CAPN9: variants seen among roughly 807,000 people sequenced by gnomAD.
The protein encoded by CAPN9 is calpain 9.
In CAPN9, 81 loss-of-function variants were observed where a neutral mutation model predicts 92.8. The ratio of observed to expected loss-of-function variants is 0.87; its 90% CI spans 0.73 to 1.05. CAPN9 has a LOEUF of 1.05. Ranked by LOEUF, CAPN9 falls within the 50% of genes least tolerant of loss-of-function variation. CAPN9 has a pLI of 0.00. For synonymous variants in CAPN9, 304 were observed against 328.0 expected (o/e 0.93, Z 0.79); for missense variants, 848 against 866.2 (o/e 0.98, Z 0.26).
At chr1:230,799,226 G>T (rs1668532756) in intron 19 of CAPN9, among the ~76,000 whole-genome samples, 1 of 152,166 alleles carries the variant, frequency 6.6e-6, no homozygotes, top group African/African-American at 2.4e-5. Flanking sequence ...TCAAGATGAA[G>T]AGGTTGATGA....
chr1:230,779,161 G>C (rs751751022), intron 9 of CAPN9, 28 bp downstream of exon 9: 2 of 1,608,694 alleles, frequency 1.2e-6, no homozygotes, highest in Non-Finnish European at 1.7e-6. Context: ...CACTCTCTCT[G>C]CCACTCCCAA....
At chr1:230,779,568 G>C (rs1297601656) in intron 9 of CAPN9, among the ~76,000 whole-genome samples, 2 of 152,048 alleles carry the variant, frequency 1.3e-5, no homozygotes, top group East Asian at 3.9e-4. Flanking sequence ...CAGTATCCAG[G>C]GCTTCCTGAG....
intron 15 of CAPN9, among the ~76,000 whole-genome samples, chr1:230,792,134 G>A (rs1668030020): frequency 1.3e-5 from 2 of 152,174 alleles, no homozygotes; most frequent in Admixed American, 6.5e-5. Context: ...CTAGTGGTGG[G>A]GGTGGGGAGC....
chr1:230,768,069 A>ATAAAG (rs936164011), intron 5 of CAPN9, among the ~76,000 whole-genome samples: 1 of 148,482 alleles, frequency 6.7e-6, no homozygotes, highest in African/African-American at 2.5e-5. Context: ...ATAAAATAAA[A>ATAAAG]TAAAATAAAA....
rs1365211983 is a variant in CAPN9 at position 230,801,554 on chromosome 1, C to G, written c.2047-16C>G. On this transcript the variant is annotated splice_polypyrimidine_tract_variant and intron_variant, in intron 19 of 19. Coordinates refer to ENST00000271971, the MANE Select transcript of CAPN9 (RefSeq NM_006615.3). ...GGAAGGACAACGACCCCTCATCTCTCTCTCTCTCTTCCCAGTTCATCCATT... is the reference window on the plus strand; with the variant it reads ...GGAAGGACAACGACCCCTCATCTCTGTCTCTCTCTTCCCAGTTCATCCATT... 1 of 1,613,708 alleles carries G rather than the reference C, an allele frequency of 6.2e-7. No homozygotes were observed. Among genetic ancestry groups the G allele is most frequent in the Admixed American group, 1.7e-5 (1 of 60,020 alleles).
At chr1:230,772,645 G>A (rs1032566636) in intron 7 of CAPN9, among the ~76,000 whole-genome samples, 1 of 152,144 alleles carries the variant, frequency 6.6e-6, no homozygotes, top group Non-Finnish European at 1.5e-5. Context: ...AGCAAGCCGA[G>A]GTGGGAGGAT....
At chr1:230,772,210 A>G in intron 7 of CAPN9, 111 bp downstream of exon 7, 1 of 889,076 alleles carries the variant, frequency 1.1e-6, no homozygotes, top group South Asian at 1.5e-5. Flanking sequence ...CCGGGCTCTG[A>G]CTCAGGATCC....
intron 1 of CAPN9, among the ~76,000 whole-genome samples, chr1:230,751,609 GAGAA>G (rs1168833010): frequency 0.019 from 615 of 31,616 alleles, 6 homozygotes; most frequent in East Asian, 0.1. Flanking sequence ...AAGAAAGAAA[GAGAA>G]AGAAAGAAAG....
intron 12 of CAPN9, 162 bp downstream of exon 12, chr1:230,786,179 G>A: frequency 1.0e-6 from 1 of 985,328 alleles, no homozygotes; most frequent in South Asian, 4.7e-5. Context: ...AGATGTGTGT[G>A]TTCTAGTCTG....
chr1:230,785,955 G>T, intron 11 of CAPN9, 26 bp from the exon 12 acceptor site: 7 of 1,611,484 alleles, frequency 4.3e-6, no homozygotes, highest in Non-Finnish European at 5.9e-6. Flanking sequence ...CCACAATTGA[G>T]GCAGTGTGTT....
intron 13 of CAPN9, among the ~76,000 whole-genome samples, chr1:230,788,592 T>TGATG (rs1285953506): frequency 6.6e-6 from 1 of 152,160 alleles, no homozygotes; most frequent in Non-Finnish European, 1.5e-5. Flanking sequence ...AGGGGCTGTC[T>TGATG]GATGGTAGTA....
At chr1:230,771,986 A>C in intron 6 of CAPN9, 28 bp from the exon 7 acceptor site, 1 of 1,593,008 alleles carries the variant, frequency 6.3e-7, no homozygotes, top group South Asian at 1.1e-5. Context: ...TTATCATTTC[A>C]CACTTCCCTC....
intron 13 of CAPN9, among the ~76,000 whole-genome samples, chr1:230,789,473 CAAA>C (rs57738295): frequency 0.05 from 3,257 of 65,782 alleles, 26 homozygotes; most frequent in Middle Eastern, 0.092. Context: ...GACCCTGTAT[CAAA>C]AAAAAAAAAA....
At chr1:230,756,725 G>A (rs1323420795) in intron 2 of CAPN9, among the ~76,000 whole-genome samples, 1 of 152,102 alleles carries the variant, frequency 6.6e-6, no homozygotes, top group Non-Finnish European at 1.5e-5. Flanking sequence ...CGCTTGAGCC[G>A]AGGAGTTCAA....
At position 230,792,417 on chromosome 1, in the gene CAPN9, A is replaced by G. The variant is rs377235183; in HGVS notation, c.1723-9A>G. ...ACTGCTCATGTCTCCCTTAACCCAC[A>G]TGGCACAGACCAGCGGCAATGGGAA... is the stretch of plus-strand genomic sequence containing the variant. On this transcript the variant is annotated splice_polypyrimidine_tract_variant and intron_variant, in intron 15 of 19. Coordinates refer to ENST00000271971, the MANE Select transcript of CAPN9 (RefSeq NM_006615.3). 1.2e-6 allele frequency: 2 copies of G among 1,613,036 alleles called. No individual in the cohort carries two copies. The highest frequency in any genetic ancestry group is 1.7e-6 in the Non-Finnish European group (2 of 1,179,186).
At chr1:230,778,043 A>T (rs75921909) in intron 8 of CAPN9, among the ~76,000 whole-genome samples, 2,427 of 152,198 alleles carry the variant, frequency 0.016, 75 homozygotes, top group African/African-American at 0.055. Context: ...GGTCTACTTT[A>T]ACATCTCTCC....
chr1:230,789,592 A>G (rs753195026), intron 13 of CAPN9, among the ~76,000 whole-genome samples: 1 of 151,458 alleles, frequency 6.6e-6, no homozygotes. Context: ...CCTTAGATCC[A>G]TGATTCTGAA....
At chr1:230,779,746 T>G (rs1667076896) in intron 9 of CAPN9, among the ~76,000 whole-genome samples, 2 of 152,154 alleles carry the variant, frequency 1.3e-5, no homozygotes, top group Admixed American at 1.3e-4. Context: ...CAATCAGAAT[T>G]CATGCTGGAG....
intron 4 of CAPN9, 42 bp from the exon 5 acceptor site, chr1:230,767,499 T>C (rs754842123): frequency 6.4e-7 from 1 of 1,551,512 alleles, no homozygotes. Flanking sequence ...GTGGCCTCCC[T>C]AGGTCCCTGA....
Sources: gnomAD v4.1 joint callset for allele counts (sites outside exome capture counted in the v4.1 genomes callset) on GRCh38, gnomAD v4.1.1 for gene constraint, MANE v1.5 for transcripts, NCBI Gene and HGNC (gene_info 2026-07-23, HGNC 2026-07-21) for gene names.